BCL6: variants seen among roughly 807,000 people sequenced by gnomAD.
The protein encoded by BCL6 is BCL6 transcription repressor, also known as B-cell lymphoma 6 protein.
Under a neutral mutation model 59.5 loss-of-function variants are expected in BCL6, and 7 were observed. The ratio of observed to expected loss-of-function variants is 0.12; its 90% CI spans 0.07 to 0.22. The LOEUF is 0.22. Ranked by LOEUF, BCL6 falls within the 10% of genes least tolerant of loss-of-function variation. The probability of loss-of-function intolerance (pLI) is 1.00; values close to 1 mark genes in which losing one functional copy is unlikely to be tolerated. For synonymous variants in BCL6, 339 were observed against 349.7 expected (o/e 0.97, Z 0.34); for missense variants, 685 against 939.4 (o/e 0.73, Z 3.54).
intron 9 of BCL6, among the ~76,000 whole-genome samples, chr3:187,723,499 A>G (rs1370449000): frequency 6.6e-6 from 1 of 152,246 alleles, no homozygotes; most frequent in Non-Finnish European, 1.5e-5. Context: ...CTAACGTAAG[A>G]TGTTAACAAT....
intron 9 of BCL6, among the ~76,000 whole-genome samples, chr3:187,722,866 T>C (rs1718496869): frequency 6.6e-6 from 1 of 152,208 alleles, no homozygotes; most frequent in African/African-American, 2.4e-5. Flanking sequence ...TCCACAAGTT[T>C]GAGTCTTATC....
At position 187,721,970 on chromosome 3, in the gene BCL6, A is replaced by ATG. The variant is rs1176055956; in HGVS notation, c.*487_*488insCA. On this transcript the variant is annotated 3_prime_UTR_variant, in exon 10 of 10. Transcript: ENST00000406870. This position sits in a 1 kb window ranked among gnomAD's most constrained non-coding sequence, Gnocchi z 4.2. ...ATATATATTTATTTTATATATATAT[A>ATG]TATTTATATATTTACAACTCTGCCA... The ATG allele has an allele frequency of 1.1e-5, 2 of 182,900 alleles. No individual in the cohort carries two copies. The highest frequency in any genetic ancestry group is 2.3e-5 in the Non-Finnish European group (2 of 88,554). The allele number at this position is 182,900 out of a possible 1,614,324, so 11.3% of individuals were successfully genotyped here. A position where few individuals can be genotyped will look rare whatever the true frequency, so the allele number is the denominator to read the frequency against.
At chr3:187,735,993 G>C (rs1719265011) in intron 1 of BCL6, 1 of 152,250 alleles carries the variant, frequency 6.6e-6, no homozygotes, top group Non-Finnish European at 1.5e-5. Flanking sequence ...ACGTGCTGTA[G>C]AACATGCAAG....
chr3:187,745,084 A>G (rs1711864850), intron 1 of BCL6, among the ~76,000 whole-genome samples: 2 of 152,122 alleles, frequency 1.3e-5, no homozygotes, highest in Admixed American at 6.5e-5. Flanking sequence ...AGGGTGGCAA[A>G]AGCCTCCCCA....
intron 1 of BCL6, among the ~76,000 whole-genome samples, chr3:187,745,035 T>C (rs1576886158): frequency 2.0e-5 from 3 of 150,556 alleles, no homozygotes; most frequent in East Asian, 2.0e-4. Context: ...CTCCTTCCTC[T>C]CCTCCACCTC....
In BCL6 at chr3:187,725,690, C is replaced by T. The variant is rs571551739; in HGVS notation, c.1709-61G>A. 147 of 1,598,754 alleles carry T rather than the reference C, an allele frequency of 9.2e-5. No homozygotes were observed. Among genetic ancestry groups the T allele is most frequent in the South Asian group, 7.1e-4 (64 of 90,036 alleles). On this transcript the variant is annotated intron_variant, in intron 7 of 9. Coordinates refer to ENST00000406870, the MANE Select transcript of BCL6 (RefSeq NM_001706.5). This position sits in a 1 kb window ranked among gnomAD's most constrained non-coding sequence, Gnocchi z 4.7. ...TTCAATAAGGAAGGTCTCTGCAGTC[C>T]GTGGCTCCTGGATTTCTAAGCAGCC...
At chr3:187,744,868 C>G (rs544656231) in intron 1 of BCL6, among the ~76,000 whole-genome samples, 3 of 152,216 alleles carry the variant, frequency 2.0e-5, no homozygotes, top group Non-Finnish European at 2.9e-5. Context: ...CGCACGAATC[C>G]AGAGAGATCA....
chr3:187,737,721 T>C (rs979483394), intron 1 of BCL6: 1 of 145,218 alleles, frequency 6.9e-6, no homozygotes, highest in African/African-American at 2.5e-5. Flanking sequence ...AAACTTTTGG[T>C]GCACCTCGGT....
Position 187,729,214 on chromosome 3 carries a change from C to T in BCL6, c.1191G>A (p.Gln397=). 6.2e-7 allele frequency: 1 copy of T among 1,613,992 alleles called. No individual in the cohort carries two copies. The highest frequency in any genetic ancestry group is 8.5e-7 in the Non-Finnish European group (1 of 1,179,942). Residue 397 remains glutamine (Q), a synonymous_variant, in exon 5 of 10, where the codon CAG becomes CAA. Transcript: ENST00000406870. This position sits in a 1 kb window ranked among gnomAD's most constrained non-coding sequence, Gnocchi z 5.6. Reference sequence around the variant, plus strand: ...GTGGGGAAAGGCGGCCCAGCTCAGCCTGCTCAGGCCCCTCTGGTTTGGCAT... The same window carrying T: ...GTGGGGAAAGGCGGCCCAGCTCAGCTTGCTCAGGCCCCTCTGGTTTGGCAT... ...NQNAKPEGPE[Q]AELGRLSPRA...
At chr3:187,733,164 A>G (rs1011900228) in intron 3 of BCL6, among the ~76,000 whole-genome samples, 1 of 152,214 alleles carries the variant, frequency 6.6e-6, no homozygotes, top group African/African-American at 2.4e-5. Flanking sequence ...AGAGCAAAAC[A>G]TTTCAAATTA....
At chr3:187,734,525 T>C (rs182538691) in intron 2 of BCL6, 59 of 152,362 alleles carry the variant, frequency 3.9e-4, no homozygotes, top group African/African-American at 1.3e-3. Flanking sequence ...ATAGCTATTC[T>C]CATAGGTATC....
chr3:187,735,368 T>C (rs1719239873), intron 1 of BCL6, among the ~76,000 whole-genome samples: 1 of 152,218 alleles, frequency 6.6e-6, no homozygotes, highest in African/African-American at 2.4e-5. Context: ...GCAAGGACGA[T>C]AGGGCCAATA....
intron 1 of BCL6, among the ~76,000 whole-genome samples, chr3:187,744,302 G>A (rs538118050): frequency 2.6e-5 from 4 of 152,196 alleles, no homozygotes; most frequent in South Asian, 2.1e-4. Context: ...AGGCATCGCA[G>A]GTGCAGTGCG....
chr3:187,745,228 A>T (rs577316597), intron 1 of BCL6, among the ~76,000 whole-genome samples, 182 bp downstream of exon 1: 1 of 152,256 alleles, frequency 6.6e-6, no homozygotes, highest in Non-Finnish European at 1.5e-5. Context: ...ATAAATATAT[A>T]CATTTATATC....
At chr3:187,745,019 A>C (rs1711856101) in intron 1 of BCL6, among the ~76,000 whole-genome samples, 2 of 150,872 alleles carry the variant, frequency 1.3e-5, no homozygotes, top group Admixed American at 1.3e-4. Context: ...CCGCCCCCTA[A>C]TTCCCCTCCT....
chr3:187,728,227 G>A, intron 6 of BCL6, 133 bp downstream of exon 6: 1 of 943,226 alleles, frequency 1.1e-6, no homozygotes, highest in Admixed American at 3.2e-5. Flanking sequence ...CTGGTGACTT[G>A]GAGTGCCAGT....
At chr3:187,724,796 G>T in intron 9 of BCL6, 145 bp downstream of exon 9, 1 of 1,164,196 alleles carries the variant, frequency 8.6e-7, no homozygotes, top group Non-Finnish European at 1.2e-6. Context: ...CCAACCATTA[G>T]CGTAGTGGTT....
chr3:187,728,236 G>T, intron 6 of BCL6, 124 bp downstream of exon 6: 1 of 1,037,538 alleles, frequency 9.6e-7, no homozygotes, highest in Non-Finnish European at 1.3e-6. Flanking sequence ...TGGAGTGCCA[G>T]TGGACTTCCA....
intron 2 of BCL6, 54 bp from the exon 3 acceptor site, chr3:187,733,757 G>C: frequency 6.3e-7 from 1 of 1,591,784 alleles, no homozygotes; most frequent in Non-Finnish European, 8.6e-7. Context: ...TTTCCTGCTT[G>C]CCACAGGTAT....
Sources: gnomAD v4.1 joint callset for allele counts (sites outside exome capture counted in the v4.1 genomes callset) on GRCh38, gnomAD v4.1.1 for gene constraint, Gnocchi (gnomAD v3.1) non-coding constraint, MANE v1.5 for transcripts, NCBI Gene and HGNC (gene_info 2026-07-23, HGNC 2026-07-21) for gene names.